ART1: variants seen among roughly 807,000 people sequenced by gnomAD.
ART1 encodes the protein GPI-linked NAD(P)(+)--arginine ADP-ribosyltransferase 1.
Under a neutral mutation model 27.0 loss-of-function variants are expected in ART1, and 29 were observed. The ratio of observed to expected loss-of-function variants is 1.08; its 90% CI spans 0.80 to 1.47. ART1 has a LOEUF of 1.47. Among genes scored for constraint, ART1 ranks in the 40% most tolerant of loss-of-function variants. The pLI, the probability that ART1 is intolerant of heterozygous loss-of-function variation, is 0.00. For missense variants in ART1, 480 were observed against 423.0 expected (o/e 1.13, Z -1.18); for synonymous variants, 201 against 172.2 (o/e 1.17, Z -1.31).
chr11:3,654,756 A>G (rs199512030), intron 1 of ART1, among the ~76,000 whole-genome samples: 7 of 133,454 alleles, frequency 5.2e-5, no homozygotes, highest in African/African-American at 1.1e-4. Flanking sequence ...CCTCACTGCC[A>G]TTCTCCCATC....
At chr11:3,655,018 G>T (rs534633998) in intron 1 of ART1, among the ~76,000 whole-genome samples, 1 of 152,230 alleles carries the variant, frequency 6.6e-6, no homozygotes, top group Non-Finnish European at 1.5e-5. Flanking sequence ...AATCTCAGTG[G>T]CAAACAAACA....
At chr11:3,653,632 C>T (rs1259594535) in intron 1 of ART1, among the ~76,000 whole-genome samples, 4 of 152,164 alleles carry the variant, frequency 2.6e-5, no homozygotes, top group Non-Finnish European at 4.4e-5. Context: ...CACGGACGCG[C>T]ATGAAAAGAG....
intron 1 of ART1, among the ~76,000 whole-genome samples, chr11:3,656,617 G>T (rs1254605388): frequency 6.6e-6 from 1 of 151,952 alleles, no homozygotes; most frequent in Admixed American, 6.6e-5. Context: ...CCTGACTTCA[G>T]GTGATCCGCC....
intron 1 of ART1, among the ~76,000 whole-genome samples, chr11:3,648,840 G>A (rs1745401277): frequency 6.6e-6 from 1 of 151,262 alleles, no homozygotes. Context: ...TGCTTTTCTG[G>A]GGGAGGGGCA....
rs754686900 is a variant in ART1, at chr11:3,659,611, A to G, written c.92A>G (p.Asp31Gly). The change falls in exon 3 of 5, where the codon GAC (aspartate) becomes GGC (glycine). Residue 31 changes from aspartate (D) to glycine (G), a missense_variant. Coordinates refer to ENST00000250693, the MANE Select transcript of ART1 (RefSeq NM_004314.3). ...QAQSHPITRRDLFSQEIQLDM... is the reference protein window; with the variant it reads ...QAQSHPITRRGLFSQEIQLDM... ...CAGAGCCACCCCATCACACGACGAG[A>G]CCTCTTCTCTCAAGAGATTCAGCTG... 1 of 1,610,256 alleles carries G rather than the reference A, an allele frequency of 6.2e-7. No homozygotes were observed. Among genetic ancestry groups the G allele is most frequent in the South Asian group, 1.1e-5 (1 of 90,796 alleles).
chr11:3,648,461 A>C (rs756151708), intron 1 of ART1, among the ~76,000 whole-genome samples: 2 of 152,154 alleles, frequency 1.3e-5, no homozygotes, highest in African/African-American at 4.8e-5. Flanking sequence ...TCCAGTAAGC[A>C]GACTCTTTTT....
At chr11:3,660,485 T>C (rs960569456) in intron 3 of ART1, 122 bp downstream of exon 3, 1 of 1,157,468 alleles carries the variant, frequency 8.6e-7, no homozygotes, top group Non-Finnish European at 1.2e-6. Context: ...ACAAGTCATA[T>C]CCACCAGCTC....
At position 3,659,942 on chromosome 11, in the gene ART1, C is replaced by G; in HGVS notation, c.423C>G (p.Ser141=). The G allele has an allele frequency of 6.2e-7, 1 of 1,613,702 alleles. No homozygotes were observed. Among genetic ancestry groups the G allele is most frequent in the South Asian group, 1.1e-5 (1 of 91,034 alleles). ...CAGCCGTGCGTGAGGCGGGCCGCTC[C>G]CGGGCCCACTACCTCCACCACTTCT... The part of the protein sequence containing the change: ...FNAAVREAGR[S]RAHYLHHFSF... Residue 141 remains serine, a synonymous_variant, in exon 3 of 5, where the codon TCC becomes TCG. Transcript: ENST00000250693.
chr11:3,652,418 G>C (rs538169955), intron 1 of ART1, among the ~76,000 whole-genome samples: 1 of 149,118 alleles, frequency 6.7e-6, no homozygotes, highest in Non-Finnish European at 1.5e-5. Context: ...TATCCCTTAC[G>C]GTCCTCTGTC....
intron 1 of ART1, among the ~76,000 whole-genome samples, chr11:3,645,627 C>A (rs775181523): frequency 1.3e-5 from 2 of 152,176 alleles, no homozygotes; most frequent in African/African-American, 2.4e-5. Context: ...TGAGAAAGTT[C>A]CTCAGACTCT....
At position 3,659,024 on chromosome 11, in the gene ART1, T is replaced by C. The variant is rs1011552192; in HGVS notation, c.-52-138T>C. ...TCCTCCAGGAAGTCACTCATGTTCC[T>C]TTCAGCAAGAAGGGTCCTCTCTCTT... is the stretch of plus-strand genomic sequence containing the variant. On this transcript the variant is annotated intron_variant, in intron 1 of 4. Transcript: ENST00000250693. 3.5e-5 allele frequency: 21 copies of C among 598,034 alleles called. 1 individual carries two copies. The Admixed American group carries it at 5.7e-4, about 16-fold the overall frequency. 37.0% of individuals were successfully genotyped at this position (598,034 alleles called of 1,614,324 possible). A position where few individuals can be genotyped will look rare whatever the true frequency, so the allele number is the denominator to read the frequency against.
At chr11:3,657,034 T>C (rs1448968178) in intron 1 of ART1, among the ~76,000 whole-genome samples, 1 of 152,204 alleles carries the variant, frequency 6.6e-6, no homozygotes, top group Non-Finnish European at 1.5e-5. Context: ...AATGAAATTA[T>C]AGACACATAG....
In ART1 at chr11:3,660,359, CA is replaced by C; in HGVS notation, c.843del (p.Asp282ThrfsTer36). 1.3e-6 allele frequency: 2 copies of C among 1,598,516 alleles called. No homozygotes were observed. On this transcript the variant is annotated frameshift_variant, in exon 3 of 5. Coordinates refer to ENST00000250693, the MANE Select transcript of ART1 (RefSeq NM_004314.3). LOFTEE classifies it low-confidence loss of function (END_TRUNC). ...KHSTYNCEYI[K>X]DKKCKSGPCH... The stretch of plus-strand genomic sequence containing the variant: ...ACAGCACCTACAACTGCGAGTACAT[CA>C]AAGGTAGGAGGGCAAGCGCTGGTCG...
Position 3,660,122 on chromosome 11 carries a change from T to A in ART1, c.603T>A (p.Ala201=), listed in dbSNP as rs202112440. Residue 201 remains alanine (A), a synonymous_variant, in exon 3 of 5, where the codon GCT becomes GCA. Coordinates refer to ENST00000250693, the MANE Select transcript of ART1 (RefSeq NM_004314.3). ...CCACCGTGAGGCTGGGGGGCTTTGC[T>A]TCTGCCTCCCTGAAGCATGTTGCAG... is the stretch of plus-strand genomic sequence containing the variant. ...PRATVRLGGF[A]SASLKHVAAQ... is the part of the protein sequence containing the mutation. The A allele has an allele frequency of 1.2e-6, 2 of 1,613,880 alleles. No homozygotes were observed. The highest frequency in any genetic ancestry group is 1.7e-6 in the Non-Finnish European group (2 of 1,179,984).
Position 3,659,813 on chromosome 11 carries a change from C to T in ART1, c.294C>T (p.Leu98=), listed in dbSNP as rs1312387428. Residue 98 remains leucine (L), a synonymous_variant, in exon 3 of 5, where the codon CTC becomes CTT. Transcript: ENST00000250693. ...ERQARWPEWS[L]SPTRPSPPPL... is the part of the protein sequence containing the mutation. The stretch of plus-strand genomic sequence containing the variant: ...AGGCCAGGTGGCCAGAGTGGAGTCT[C>T]AGCCCCACCCGTCCATCCCCGCCAC... 1.2e-6 allele frequency: 2 copies of T among 1,612,352 alleles called. No individual in the cohort carries two copies. The highest frequency in any genetic ancestry group is 2.2e-5 in the East Asian group (1 of 44,872).
At position 3,659,643 on chromosome 11, in the gene ART1, G is replaced by A. The variant is rs2077601158; in HGVS notation, c.124G>A (p.Ala42Thr). ...LFSQEIQLDMALASFDDQYAG... is the reference protein window; with the variant it reads ...LFSQEIQLDMTLASFDDQYAG... ...CTCTCAAGAGATTCAGCTGGACATG[G>A]CCCTGGCCTCCTTTGATGACCAGTA... Residue 42 changes from alanine (A) to threonine (T), a missense_variant, in exon 3 of 5, where the codon GCC becomes ACC. Physicochemically the swap from Ala to Thr is moderately conservative, Grantham distance 58. Transcript: ENST00000250693. 1 of 1,613,460 alleles carries A rather than the reference G, an allele frequency of 6.2e-7. No homozygotes were observed. The highest frequency in any genetic ancestry group is 2.2e-5 in the East Asian group (1 of 44,884).
chr11:3,653,016 T>A (rs894591150), intron 1 of ART1, among the ~76,000 whole-genome samples: 3 of 147,892 alleles, frequency 2.0e-5, no homozygotes, highest in East Asian at 2.0e-4. Context: ...ACGACAAATG[T>A]TTCTTCTAAC....
At chr11:3,650,291 C>A (rs1207471851) in intron 1 of ART1, among the ~76,000 whole-genome samples, 2 of 152,214 alleles carry the variant, frequency 1.3e-5, no homozygotes, top group Admixed American at 1.3e-4. Flanking sequence ...CTGTGTGGGA[C>A]CCCACTGAAA....
At chr11:3,650,931 C>G (rs1184558963) in intron 1 of ART1, among the ~76,000 whole-genome samples, 1 of 149,268 alleles carries the variant, frequency 6.7e-6, no homozygotes, top group African/African-American at 2.5e-5. Flanking sequence ...TGCCAGTATC[C>G]CATCCCACAG....
Sources: gnomAD v4.1 joint callset for allele counts (sites outside exome capture counted in the v4.1 genomes callset) on GRCh38, gnomAD v4.1.1 for gene constraint, MANE v1.5 for transcripts, NCBI Gene and HGNC (gene_info 2026-07-23, HGNC 2026-07-21) for gene names.